The following PTPRG variants were observed in gnomAD, a reference collection of about 807,000 sequenced individuals.
PTPRG encodes the protein protein tyrosine phosphatase receptor type G.
In PTPRG, 102 loss-of-function variants were observed where a neutral mutation model predicts 165.3. The observed-to-expected ratio is 0.62, with a 90% CI of 0.53 to 0.73. The LOEUF is 0.73. Among genes scored for constraint, PTPRG ranks in the 30% least tolerant of loss-of-function variants. The pLI is 0.00. For synonymous variants in PTPRG, 675 were observed against 669.5 expected (o/e 1.01, Z -0.13); for missense variants, 1,866 against 1,861.4 (o/e 1.00, Z -0.05).
chr3:61,920,168 T>A (rs1438047497), intron 2 of PTPRG, among the ~76,000 whole-genome samples: 2 of 152,176 alleles, frequency 1.3e-5, no homozygotes, highest in Non-Finnish European at 2.9e-5. Context: ...TCTCCCTCAC[T>A]TGTGAAAGAC....
intron 9 of PTPRG, among the ~76,000 whole-genome samples, chr3:62,193,625 G>A (rs566756879): frequency 1.3e-5 from 2 of 152,336 alleles, no homozygotes; most frequent in East Asian, 3.9e-4. Flanking sequence ...AAACCTGTGG[G>A]CAGGTGTTAT....
chr3:62,132,542 T>G, intron 5 of PTPRG, 60 bp from the exon 6 acceptor site: 2 of 1,336,260 alleles, frequency 1.5e-6, no homozygotes, highest in Non-Finnish European at 2.2e-6. Flanking sequence ...AAGATTAAAC[T>G]GAGACTGTTG....
intron 2 of PTPRG, among the ~76,000 whole-genome samples, chr3:61,784,585 T>C (rs1023971534): frequency 6.6e-6 from 1 of 152,180 alleles, no homozygotes; most frequent in African/African-American, 2.4e-5. Flanking sequence ...AAGCCAGATC[T>C]AGTTAGCTGA....
intron 2 of PTPRG, chr3:61,750,169 A>C (rs1340274481): frequency 6.6e-6 from 1 of 152,192 alleles, no homozygotes; most frequent in African/African-American, 2.4e-5. Context: ...ATTTCTGATA[A>C]ATGAAGGAAA....
chr3:62,293,077 AT>A, intron 29 of PTPRG, 83 bp from the exon 30 acceptor site: 1 of 1,214,206 alleles, frequency 8.2e-7, no homozygotes, highest in Non-Finnish European at 1.1e-6. Context: ...GTTTTTCACA[AT>A]TACCATTTTA....
intron 1 of PTPRG, among the ~76,000 whole-genome samples, chr3:61,589,847 A>C (rs1263632241): frequency 6.6e-6 from 1 of 152,128 alleles, no homozygotes; most frequent in Non-Finnish European, 1.5e-5. Flanking sequence ...TCAGCATGGA[A>C]AATGAAAGTC....
At chr3:61,631,941 G>T (rs1265922448) in intron 1 of PTPRG, among the ~76,000 whole-genome samples, 2 of 152,150 alleles carry the variant, frequency 1.3e-5, no homozygotes, top group Non-Finnish European at 2.9e-5. Flanking sequence ...TCTGATTGTA[G>T]CCTGGATTGG....
chr3:61,779,803 C>A (rs1221039770), intron 2 of PTPRG, among the ~76,000 whole-genome samples: 1 of 152,186 alleles, frequency 6.6e-6, no homozygotes, highest in East Asian at 1.9e-4. Context: ...CTGCTGTCCT[C>A]CTGCTGGCAC....
chr3:62,246,631 C>G (rs1003156756), intron 15 of PTPRG, among the ~76,000 whole-genome samples: 2 of 152,132 alleles, frequency 1.3e-5, no homozygotes, highest in South Asian at 4.1e-4. Context: ...TATTTTCACT[C>G]TACTAAAGCT....
At chr3:62,248,953 C>T (rs1008612496) in intron 15 of PTPRG, among the ~76,000 whole-genome samples, 1 of 151,986 alleles carries the variant, frequency 6.6e-6, no homozygotes, top group Non-Finnish European at 1.5e-5. Flanking sequence ...AGTTTAAAAC[C>T]CTTGGGATTA....
At chr3:61,649,762 G>C (rs1379879439) in intron 1 of PTPRG, among the ~76,000 whole-genome samples, 1 of 152,218 alleles carries the variant, frequency 6.6e-6, no homozygotes, top group Non-Finnish European at 1.5e-5. Context: ...CTTAGAAATA[G>C]GTTGTCGTAT....
intron 5 of PTPRG, among the ~76,000 whole-genome samples, chr3:62,121,604 G>A (rs906750034): frequency 2.0e-5 from 3 of 152,138 alleles, no homozygotes; most frequent in Non-Finnish European, 2.9e-5. Flanking sequence ...CCATCTGCAC[G>A]TTTTCTATGG....
rs1699771530 is a variant in PTPRG at position 61,562,151 on chromosome 3, G to C, written c.-137G>C. On this transcript the variant is annotated 5_prime_UTR_variant, in exon 1 of 30. Transcript: ENST00000474889. ...GCTTCCCGGATTCCAAGGGGACTCG[G>C]GCCGCCGAGCGCGGGGGGCCCGTGG... The C allele has an allele frequency of 1.4e-6, 1 of 719,882 alleles. No homozygotes were observed. The highest frequency in any genetic ancestry group is 2.4e-6 in the Non-Finnish European group (1 of 422,314). The allele number at this position is 719,882 out of a possible 1,614,324, so 44.6% of individuals were successfully genotyped here. A position where few individuals can be genotyped will look rare whatever the true frequency, so the allele number is the denominator to read the frequency against.
chr3:61,819,091 A>C lies in PTPRG; in HGVS notation c.190+70109A>C, dbSNP rs3856947. On this transcript the variant is annotated intron_variant, in intron 2 of 29. Transcript: ENST00000474889. ...AGGAAAGGAAAATTGGATTCTTGTG[A>C]AACTTTTTTTTTCTTTGACAGTAGT... is the stretch of plus-strand genomic sequence containing the variant. Among the ~76,000 whole-genome samples, 519 of 152,300 alleles carry C rather than the reference A, an allele frequency of 3.4e-3. 15 individuals are homozygous for C. The highest frequency in any genetic ancestry group is 0.031 in the Admixed American group (470 of 15,300).
chr3:61,822,501 G>A (rs748585384), intron 2 of PTPRG, among the ~76,000 whole-genome samples: 5 of 152,156 alleles, frequency 3.3e-5, no homozygotes. Flanking sequence ...GTAGAACAGC[G>A]ACCTTCTGTA....
chr3:61,908,396 G>A (rs2038712798), intron 2 of PTPRG, among the ~76,000 whole-genome samples: 3 of 128,246 alleles, frequency 2.3e-5, no homozygotes, highest in Non-Finnish European at 4.7e-5. Context: ...CTGTACTCCA[G>A]CCTGGGCAAC....
chr3:62,003,367 A>G lies in PTPRG; in HGVS notation c.389A>G (p.Asp130Gly). Reference protein sequence around the residue: ...TGKTVAILLKDDYFVSGAGLP... With the variant: ...TGKTVAILLKGDYFVSGAGLP... ...CACACAGTCGCCATCCTTCTGAAAG[A>G]CGACTATTTTGTCAGTGGAGCTGGT... is the stretch of plus-strand genomic sequence containing the variant. The change falls in exon 4 of 30, where the codon GAC becomes GGC. Residue 130 changes from aspartate (D) to glycine (G), a missense_variant. By Grantham distance (94) the Asp-to-Gly change is moderately conservative. Coordinates refer to ENST00000474889, the MANE Select transcript of PTPRG (RefSeq NM_002841.4). The G allele has an allele frequency of 6.2e-7, 1 of 1,613,728 alleles. No individual in the cohort carries two copies. The highest frequency in any genetic ancestry group is 8.5e-7 in the Non-Finnish European group (1 of 1,179,854).
chr3:62,094,441 C>A (rs1210432049), intron 5 of PTPRG, among the ~76,000 whole-genome samples: 1 of 152,192 alleles, frequency 6.6e-6, no homozygotes, highest in African/African-American at 2.4e-5. Flanking sequence ...AGGTCGCTCT[C>A]TCCTGAAATC....
chr3:61,600,188 A>ATGTGTG (rs1372886923), intron 1 of PTPRG, among the ~76,000 whole-genome samples: 5 of 133,322 alleles, frequency 3.8e-5, no homozygotes, highest in African/African-American at 1.4e-4. Flanking sequence ...ATATATATAT[A>ATGTGTG]TATATGTGTG....
Sources: gnomAD v4.1 joint callset for allele counts (sites outside exome capture counted in the v4.1 genomes callset) on GRCh38, gnomAD v4.1.1 for gene constraint, MANE v1.5 for transcripts, NCBI Gene and HGNC (gene_info 2026-07-23, HGNC 2026-07-21) for gene names.